PSMF1: variants seen among roughly 807,000 people sequenced by gnomAD.
PSMF1 encodes the protein proteasome inhibitor PI31 subunit.
PSMF1 carries 30 observed loss-of-function variants against 29.3 expected under a neutral mutation model. That is an observed-to-expected ratio of 1.02 (90% CI 0.77 to 1.39). The LOEUF (loss-of-function observed/expected upper bound fraction) is 1.39. Ranked by LOEUF, PSMF1 falls within the 40% of genes most tolerant of loss-of-function variation. The pLI is 0.00. For missense variants in PSMF1, 344 were observed against 357.5 expected, an observed-to-expected ratio of 0.96 and a Z score of 0.31; for synonymous variants, 134 against 139.7, an observed-to-expected ratio of 0.96 and a Z score of 0.29.
chr20:1,117,301 G>A (rs1420941309), upstream of PSMF1, among the ~76,000 whole-genome samples: 1 of 151,568 alleles, frequency 6.6e-6, no homozygotes, highest in Non-Finnish European at 1.5e-5. Flanking sequence ...TGAGTGTGAC[G>A]ATTTTGAGCC....
At chr20:1,159,737 A>G (rs894453179) in intron 4 of PSMF1, among the ~76,000 whole-genome samples, 1 of 152,174 alleles carries the variant, frequency 6.6e-6, no homozygotes, top group African/African-American at 2.4e-5. Flanking sequence ...TGCTAGCTCC[A>G]TGAACTGTGG....
Position 1,127,643 on chromosome 20 carries a change from T to G in PSMF1, c.365+135T>G, listed in dbSNP as rs1450854189. 5 of 719,630 alleles carry G rather than the reference T, an allele frequency of 6.9e-6. No homozygotes were observed. In the Middle Eastern group the frequency reaches 1.1e-3, roughly 153 times the overall value. The allele number at this position is 719,630 out of a possible 1,614,324, so 44.6% of individuals were successfully genotyped here. A position where few individuals can be genotyped will look rare whatever the true frequency, so the allele number is the denominator to read the frequency against. ...CCTTTTATTTCTGGGCACAACTTCC[T>G]AATTTTCTTTTCTGTTTTTTATGTA... On this transcript the variant is annotated intron_variant, in intron 3 of 6. Coordinates refer to ENST00000335877, the MANE Select transcript of PSMF1 (RefSeq NM_006814.5).
rs1210827674 is a variant in PSMF1, at chr20:1,125,489, T to C, written c.130-9T>C. On this transcript the variant is annotated splice_polypyrimidine_tract_variant and intron_variant, in intron 1 of 6. Transcript: ENST00000335877. Reference sequence around the variant, plus strand: ...ATGATCTTTCTCCTCTCAACTGTGGTCTTCCCAGCCGGGTCCCAATGATAA... The same window carrying C: ...ATGATCTTTCTCCTCTCAACTGTGGCCTTCCCAGCCGGGTCCCAATGATAA... The C allele has an allele frequency of 6.3e-7, 1 of 1,597,400 alleles. No individual in the cohort carries two copies. The highest frequency in any genetic ancestry group is 8.5e-7 in the Non-Finnish European group (1 of 1,172,828).
Position 1,159,073 on chromosome 20 carries a change from A to AAAAG in PSMF1, c.552-4056_552-4055insAAGA, listed in dbSNP as rs946424384. On this transcript the variant is annotated intron_variant, in intron 4 of 6. Transcript: ENST00000335877. Reference sequence around the variant, plus strand: ...TCCGTCTCACAAAAAAAAAAAAAAGAAGAAGTAAATGGGTTCTAAGTGTGT... The same window carrying AAAAG: ...TCCGTCTCACAAAAAAAAAAAAAAGAAAAGAGAAGTAAATGGGTTCTAAGTGTGT... Among the ~76,000 whole-genome samples the AAAAG allele has an allele frequency of 1.0e-4, 7 of 66,822 alleles. No individual in the cohort carries two copies. In the East Asian group the frequency reaches 0.013, roughly 126 times the overall value. The allele number at this position is 66,822 out of a possible 152,430, so 43.8% of individuals were successfully genotyped here. A position where few individuals can be genotyped will look rare whatever the true frequency, so the allele number is the denominator to read the frequency against.
rs1373459524 is a variant in PSMF1, at chr20:1,163,164, G to A, written c.586G>A (p.Glu196Lys). Residue 196 changes from glutamate to lysine, a missense_variant, in exon 5 of 7, where the codon GAA becomes AAA. Transcript: ENST00000335877. This position sits in a 1 kb window ranked among gnomAD's most constrained non-coding sequence, Gnocchi z 6.1. ...CCTGGGCCCGTTTGTTGTCGGGGGAGAAGACTTAGACCCTTTTGGGTGAGT... is the reference window on the plus strand; with the variant it reads ...CCTGGGCCCGTTTGTTGTCGGGGGAAAAGACTTAGACCCTTTTGGGTGAGT... The part of the protein sequence containing the change: ...DPLGPFVVGG[E>K]DLDPFGPRRG... The A allele has an allele frequency of 1.2e-6, 2 of 1,614,212 alleles. No homozygotes were observed. Among genetic ancestry groups the A allele is most frequent in the East Asian group, 2.2e-5 (1 of 44,886 alleles).
chr20:1,159,451 C>T (rs1038595552), intron 4 of PSMF1, among the ~76,000 whole-genome samples: 7 of 152,192 alleles, frequency 4.6e-5, no homozygotes, highest in African/African-American at 7.2e-5. Context: ...CATGAGCCAC[C>T]GTGCCTGGCC....
At position 1,170,125 on chromosome 20, in the gene PSMF1, C is replaced by G. The variant is rs1234645992; in HGVS notation, c.*5045C>G. ...GAGAAGGGAGGGGAAGACCTACCTCCTTGTTACTCAGACCACCAGCAACAG... is the reference window on the plus strand; with the variant it reads ...GAGAAGGGAGGGGAAGACCTACCTCGTTGTTACTCAGACCACCAGCAACAG... On this transcript the variant is annotated 3_prime_UTR_variant, in exon 7 of 7. Coordinates refer to ENST00000335877, the MANE Select transcript of PSMF1 (RefSeq NM_006814.5). 2.0e-5 allele frequency among the ~76,000 whole-genome samples: 3 copies of G among 152,156 alleles called. No homozygotes were observed. Among genetic ancestry groups the G allele is most frequent in the African/African-American group, 7.2e-5 (3 of 41,436 alleles).
intron 4 of PSMF1, among the ~76,000 whole-genome samples, chr20:1,136,790 C>T (rs2122515986): frequency 6.6e-6 from 1 of 152,310 alleles, no homozygotes; most frequent in South Asian, 2.1e-4. Context: ...GTTGCTGTTA[C>T]TAACATGACT....
chr20:1,143,487 A>C (rs1477156573), intron 4 of PSMF1, among the ~76,000 whole-genome samples: 1 of 152,234 alleles, frequency 6.6e-6, no homozygotes, highest in African/African-American at 2.4e-5. Flanking sequence ...CTCAAAGTGG[A>C]TCATTGATTT....
At chr20:1,122,820 A>AT (rs1411158214) in intron 1 of PSMF1, among the ~76,000 whole-genome samples, 5 of 152,138 alleles carry the variant, frequency 3.3e-5, no homozygotes, top group Admixed American at 1.3e-4. Flanking sequence ...GACTTCAGGG[A>AT]TTTTCTGTAA....
chr20:1,161,675 A>C (rs1462004506), intron 4 of PSMF1: 1 of 665,102 alleles, frequency 1.5e-6, no homozygotes, highest in African/African-American at 1.8e-5. Context: ...GGGCCCCTCC[A>C]TGTCCACCAC....
Position 1,164,515 on chromosome 20 carries a change from ATGGCAGCTTGGTTCAGTG to A in PSMF1, c.764+47_764+64del. 1.9e-6 allele frequency: 3 copies of A among 1,608,586 alleles called. No individual in the cohort carries two copies. The highest frequency in any genetic ancestry group is 2.6e-6 in the Non-Finnish European group (3 of 1,175,694). ...CAGGTATGCTGAGAAGTAGGACCTG[ATGGCAGCTTGGTTCAGTG>A]TGGCAGCAATGAAGGTTTCTAGCCC... On this transcript the variant is annotated intron_variant, in intron 6 of 6. Coordinates refer to ENST00000335877, the MANE Select transcript of PSMF1 (RefSeq NM_006814.5). This position sits in a 1 kb window ranked among gnomAD's most constrained non-coding sequence, Gnocchi z 4.1.
intron 4 of PSMF1, among the ~76,000 whole-genome samples, chr20:1,145,957 G>A (rs1255873764): frequency 1.3e-5 from 2 of 152,030 alleles, no homozygotes; most frequent in Non-Finnish European, 2.9e-5. Flanking sequence ...TTTTTCAAGC[G>A]CATATTTTCT....
chr20:1,130,715 G>A (rs2086217973), intron 3 of PSMF1, among the ~76,000 whole-genome samples: 1 of 152,238 alleles, frequency 6.6e-6, no homozygotes, highest in East Asian at 1.9e-4. Context: ...CTTATAAACA[G>A]GCCAAGCAGC....
intron 3 of PSMF1, among the ~76,000 whole-genome samples, chr20:1,132,028 T>C (rs961167155): frequency 1.3e-5 from 2 of 152,190 alleles, no homozygotes; most frequent in Non-Finnish European, 1.5e-5. Flanking sequence ...TATTCCTTCA[T>C]TGAATTACTT....
chr20:1,156,209 A>G (rs1318544966), intron 4 of PSMF1, among the ~76,000 whole-genome samples: 1 of 152,238 alleles, frequency 6.6e-6, no homozygotes, highest in Admixed American at 6.5e-5. Context: ...AATACAAATT[A>G]TCCTATCTGA....
rs1400282215 is a variant in PSMF1 at position 1,171,976 on chromosome 20, C to T, written c.*6896C>T. Among the ~76,000 whole-genome samples the T allele has an allele frequency of 6.6e-6, 1 of 152,232 alleles. No individual in the cohort carries two copies. The highest frequency in any genetic ancestry group is 1.5e-5 in the Non-Finnish European group (1 of 68,038). Reference sequence around the variant, plus strand: ...GGCCCTTGGCCATGGTGGCCTTGGACAAGTTTGGCTTTCCCCATCTGTAAA... The same window carrying T: ...GGCCCTTGGCCATGGTGGCCTTGGATAAGTTTGGCTTTCCCCATCTGTAAA... On this transcript the variant is annotated 3_prime_UTR_variant, in exon 7 of 7. Coordinates refer to ENST00000335877, the MANE Select transcript of PSMF1 (RefSeq NM_006814.5).
intron 3 of PSMF1, among the ~76,000 whole-genome samples, chr20:1,132,134 C>T (rs1041471211): frequency 1.1e-4 from 17 of 152,288 alleles, no homozygotes; most frequent in South Asian, 6.2e-4. Flanking sequence ...CTTCCTCTGT[C>T]AATATTACTC....
At chr20:1,114,151 G>C (rs1226686906), upstream of PSMF1, among the ~76,000 whole-genome samples, 6 of 152,146 alleles carry the variant, frequency 3.9e-5, no homozygotes, top group African/African-American at 7.2e-5. Flanking sequence ...GGCCTTCCAG[G>C]ACCCCAGAAG....
Sources: allele counts gnomAD v4.1 joint callset (sites outside exome capture counted in the v4.1 genomes callset), GRCh38; gene constraint gnomAD v4.1.1; non-coding constraint Gnocchi (gnomAD v3.1); transcripts MANE v1.5; gene names NCBI Gene and HGNC (gene_info 2026-07-23, HGNC 2026-07-21).